The following ANKRD11 variants were observed in gnomAD, a reference collection of about 807,000 sequenced individuals.
ANKRD11 encodes ankyrin repeat domain 11, also known as ankyrin repeat domain-containing protein 11.
A neutral mutation model predicts 195.7 loss-of-function variants in ANKRD11; 17 were observed. That is an observed-to-expected ratio of 0.09 (90% CI 0.06 to 0.13). ANKRD11 has a LOEUF of 0.13. Ranked by LOEUF, ANKRD11 falls within the 10% of genes least tolerant of loss-of-function variation. ANKRD11 has a pLI of 1.00. For missense variants in ANKRD11, 3,735 were observed against 3,566.1 expected (o/e 1.05, Z -1.21); for synonymous variants, 1,953 against 1,528.1 (o/e 1.28, Z -6.49).
chr16:89,269,413 G>C lies in ANKRD11; in HGVS notation c.7807-750C>G, dbSNP rs554193262. Among the ~76,000 whole-genome samples the C allele has an allele frequency of 1.1e-4, 16 of 152,222 alleles. No homozygotes were observed. The South Asian group carries it at 3.3e-3, about 32-fold the overall frequency. ...TCAACATATATATATGTATGAAATC[G>C]TTTTCGAAGCTCAGGATGGATTCAC... On this transcript the variant is annotated intron_variant, in intron 12 of 12. Coordinates refer to ENST00000301030, the MANE Select transcript of ANKRD11 (RefSeq NM_013275.6).
chr16:89,365,532 G>T (rs985158691), intron 2 of ANKRD11, among the ~76,000 whole-genome samples: 1 of 152,192 alleles, frequency 6.6e-6, no homozygotes, highest in African/African-American at 2.4e-5. Context: ...ATGGCTCCAG[G>T]ATTTTCTGAA....
At chr16:89,346,089 A>C (rs111797990) in intron 2 of ANKRD11, among the ~76,000 whole-genome samples, 2,445 of 148,752 alleles carry the variant, frequency 0.016, 61 homozygotes, top group Admixed American at 0.052. Context: ...TAACAACACA[A>C]AAAAAAAAAA....
chr16:89,343,977 G>A (rs1033726146), intron 2 of ANKRD11, among the ~76,000 whole-genome samples: 1 of 152,182 alleles, frequency 6.6e-6, no homozygotes, highest in African/African-American at 2.4e-5. Context: ...AGCTCTGACC[G>A]ACTGAACCCA....
At chr16:89,431,880 C>T (rs1243144674) in intron 1 of ANKRD11, among the ~76,000 whole-genome samples, 1 of 152,144 alleles carries the variant, frequency 6.6e-6, no homozygotes, top group Non-Finnish European at 1.5e-5. Context: ...CCTGTATCCC[C>T]TGCCTTGCTG....
chr16:89,284,949 G>A lies in ANKRD11; in HGVS notation c.1593C>T (p.Ala531=), dbSNP rs1166604430. Residue 531 remains alanine (A), a synonymous_variant, in exon 9 of 13, where the codon GCC becomes GCT. Transcript: ENST00000301030. ...SSTSSHGSSA[A]QKQNPSHTDQ... ...CTGTGTGGCTGGGGTTCTGCTTCTG[G>A]GCGGCAGAGCTCCCGTGAGACGAGG... 1 of 1,614,126 alleles carries A rather than the reference G, an allele frequency of 6.2e-7. No homozygotes were observed. Among genetic ancestry groups the A allele is most frequent in the Non-Finnish European group, 8.5e-7 (1 of 1,180,010 alleles).
chr16:89,415,829 C>CAAAAA (rs71134220), intron 2 of ANKRD11, among the ~76,000 whole-genome samples: 580 of 39,696 alleles, frequency 0.015, 35 homozygotes, highest in Non-Finnish European at 0.019. Context: ...GACTCTGTCT[C>CAAAAA]AAAAAAAAAA....
At chr16:89,402,287 C>T (rs1227042527) in intron 2 of ANKRD11, among the ~76,000 whole-genome samples, 2 of 152,220 alleles carry the variant, frequency 1.3e-5, no homozygotes, top group East Asian at 1.9e-4. Context: ...GTAGAAAGAA[C>T]GAGGCTTGTC....
At chr16:89,324,452 C>T (rs1304989142) in intron 2 of ANKRD11, 7 of 460,168 alleles carry the variant, frequency 1.5e-5, no homozygotes, top group Non-Finnish European at 3.0e-5. Context: ...AGGGTTACTA[C>T]TGAGTTTCAA....
chr16:89,435,749 T>C (rs535250767), intron 1 of ANKRD11, among the ~76,000 whole-genome samples: 5 of 150,360 alleles, frequency 3.3e-5, no homozygotes, highest in Middle Eastern at 3.4e-3. Flanking sequence ...CAACTGACTG[T>C]CCACTCAAGG....
chr16:89,461,988 T>A (rs1459129133), intron 1 of ANKRD11, among the ~76,000 whole-genome samples: 1 of 152,060 alleles, frequency 6.6e-6, no homozygotes, highest in Non-Finnish European at 1.5e-5. Context: ...TACTTCCGTC[T>A]GTCACGAGCT....
At chr16:89,376,809 G>C (rs1220951392) in intron 2 of ANKRD11, among the ~76,000 whole-genome samples, 1 of 152,208 alleles carries the variant, frequency 6.6e-6, no homozygotes, top group Non-Finnish European at 1.5e-5. Context: ...AAGAACATTT[G>C]TTAGTAAGAA....
intron 2 of ANKRD11, among the ~76,000 whole-genome samples, chr16:89,386,006 G>C (rs954502029): frequency 4.6e-5 from 7 of 152,230 alleles, no homozygotes; most frequent in African/African-American, 7.2e-5. Context: ...CAGCCTCCCA[G>C]GTAGCTGGGA....
intron 11 of ANKRD11, 180 bp downstream of exon 11, chr16:89,274,634 T>G (rs907600818): frequency 2.2e-6 from 2 of 923,946 alleles, no homozygotes; most frequent in African/African-American, 1.6e-5. Context: ...TGCTGCAGCC[T>G]TCTTGGCTCC....
At chr16:89,288,462 A>G in intron 7 of ANKRD11, 66 bp downstream of exon 7, 3 of 1,612,046 alleles carry the variant, frequency 1.9e-6, no homozygotes, top group Non-Finnish European at 2.5e-6. Flanking sequence ...CTACGGGGAA[A>G]CAAAGCTACA....
At chr16:89,363,737 C>T (rs1014833897) in intron 2 of ANKRD11, among the ~76,000 whole-genome samples, 2 of 152,182 alleles carry the variant, frequency 1.3e-5, no homozygotes, top group African/African-American at 4.8e-5. Flanking sequence ...ACTGGAAGAA[C>T]ACGGGCCTGC....
At chr16:89,397,007 T>G (rs115679770) in intron 2 of ANKRD11, among the ~76,000 whole-genome samples, 3,784 of 151,962 alleles carry the variant, frequency 0.025, 164 homozygotes, top group African/African-American at 0.087. Flanking sequence ...TAATTTTTTA[T>G]ACTGGAAAAT....
intron 1 of ANKRD11, among the ~76,000 whole-genome samples, chr16:89,462,462 C>G (rs371705142): frequency 6.6e-6 from 1 of 152,234 alleles, no homozygotes; most frequent in Non-Finnish European, 1.5e-5. Context: ...CCCAAAGTGC[C>G]GAGACTGCAA....
intron 2 of ANKRD11, among the ~76,000 whole-genome samples, chr16:89,372,536 T>C (rs935464476): frequency 1.3e-5 from 2 of 152,030 alleles, no homozygotes; most frequent in African/African-American, 4.8e-5. Context: ...CACTGAAACA[T>C]GAGCTGATAA....
At position 89,285,704 on chromosome 16, in the gene ANKRD11, GAATGGCA is replaced by G; in HGVS notation, c.893-62_893-56del. The G allele has an allele frequency of 6.3e-7, 1 of 1,576,080 alleles. No individual in the cohort carries two copies. The highest frequency in any genetic ancestry group is 2.2e-5 in the East Asian group (1 of 44,682). ...GGCAGGCTCAAAACAGCTCTCCCCA[GAATGGCA>G]GAGGAGGGAGGCTCTGCAGATGTGT... On this transcript the variant is annotated intron_variant, in intron 8 of 12. Transcript: ENST00000301030. The surrounding 1 kb of genome is among the most constrained non-coding windows in gnomAD (Gnocchi z 5.6).
Sources: allele counts gnomAD v4.1 joint callset (sites outside exome capture counted in the v4.1 genomes callset), GRCh38; gene constraint gnomAD v4.1.1; non-coding constraint Gnocchi (gnomAD v3.1); transcripts MANE v1.5; gene names NCBI Gene and HGNC (gene_info 2026-07-23, HGNC 2026-07-21).